Variants in PLEKHA3 observed in about 807,000 individuals in gnomAD.
PLEKHA3 encodes the protein pleckstrin homology domain containing A3, also known as pleckstrin homology domain-containing family A member 3.
Under a neutral mutation model 39.2 loss-of-function variants are expected in PLEKHA3, and 19 were observed. The observed-to-expected ratio is 0.48, with a 90% CI of 0.34 to 0.71. The LOEUF (loss-of-function observed/expected upper bound fraction) is 0.71, where lower values mean the gene tolerates loss of function less well. Ranked by LOEUF, PLEKHA3 falls within the 30% of genes least tolerant of loss-of-function variation. PLEKHA3 has a pLI of 0.01. For synonymous variants in PLEKHA3, 97 were observed against 118.6 expected (o/e 0.82, Z 1.18); for missense variants, 253 against 359.5 (o/e 0.70, Z 2.40).
chr2:178,485,843 T>C (rs1301771848), intron 2 of PLEKHA3, 86 bp downstream of exon 2: 1 of 951,940 alleles, frequency 1.1e-6, no homozygotes, highest in African/African-American at 1.6e-5. Flanking sequence ...AAAAAGCATT[T>C]CTAACCACGT....
Position 178,493,997 on chromosome 2 carries a change from G to T in PLEKHA3, c.450+8G>T, listed in dbSNP as rs200138699. On this transcript the variant is annotated splice_region_variant and intron_variant, in intron 4 of 7. Coordinates refer to ENST00000234453, the MANE Select transcript of PLEKHA3 (RefSeq NM_019091.4). ...TCATCTCCTAGTGCAGAGGTAGAGC[G>T]AAGAGGATCTCTTCACGTGTGGTTA... 6.2e-7 allele frequency: 1 copy of T among 1,612,656 alleles called. No individual in the cohort carries two copies. The highest frequency in any genetic ancestry group is 1.1e-5 in the South Asian group (1 of 90,636).
chr2:178,487,006 A>G (rs1685261037), intron 2 of PLEKHA3, among the ~76,000 whole-genome samples: 1 of 152,252 alleles, frequency 6.6e-6, no homozygotes, highest in South Asian at 2.1e-4. Context: ...CTATTGTGAT[A>G]GATTTAGGGA....
At position 178,480,792 on chromosome 2, in the gene PLEKHA3, C is replaced by A; in HGVS notation, c.-78C>A. On this transcript the variant is annotated 5_prime_UTR_variant, in exon 1 of 8. The change creates a new upstream start codon in the 5' untranslated region. Transcript: ENST00000234453. Reference sequence around the variant, plus strand: ...GGGGGCCCGGGCGGGCCGGGAGGGGCTGCCCCAGGCCCTGCGCCTACCCCA... The same window carrying A: ...GGGGGCCCGGGCGGGCCGGGAGGGGATGCCCCAGGCCCTGCGCCTACCCCA... 1 of 1,244,208 alleles carries A rather than the reference C, an allele frequency of 8.0e-7. No individual in the cohort carries two copies. Among genetic ancestry groups the A allele is most frequent in the Non-Finnish European group, 1.0e-6 (1 of 966,474 alleles). 77.1% of individuals were successfully genotyped at this position (1,244,208 alleles called of 1,614,324 possible).
At chr2:178,482,478 GCAGTGAGCTAGGAT>G (rs1251125034) in intron 1 of PLEKHA3, among the ~76,000 whole-genome samples, 1 of 150,772 alleles carries the variant, frequency 6.6e-6, no homozygotes, top group African/African-American at 2.4e-5. Flanking sequence ...AATGGAGGCT[GCAGTGAGCTAGGAT>G]CAGTGAGCTA....
chr2:178,499,197 TCCAAA>T lies in PLEKHA3; in HGVS notation c.616-13_616-9del. The T allele has an allele frequency of 4.4e-6, 7 of 1,603,734 alleles. No individual in the cohort carries two copies. The highest frequency in any genetic ancestry group is 1.7e-5 in the Admixed American group (1 of 58,462). On this transcript the variant is annotated splice_polypyrimidine_tract_variant and intron_variant, in intron 5 of 7. Transcript: ENST00000234453. ...GATTATGCTAATTTTTTTTTTTTTT[TCCAAA>T]ATTTCTAGATGAAGCGTTCTGTCAG...
rs1042548076 is a variant in PLEKHA3, at chr2:178,505,890, G to A, written c.*2003G>A. ...CTAAGTATGTCTTTTGTTATGACTT[G>A]GAGCCACTTTTTGTTGTTATTGTTA... On this transcript the variant is annotated 3_prime_UTR_variant, in exon 8 of 8. Coordinates refer to ENST00000234453, the MANE Select transcript of PLEKHA3 (RefSeq NM_019091.4). The A allele has an allele frequency of 1.3e-5, 2 of 151,952 alleles. No individual in the cohort carries two copies. The highest frequency in any genetic ancestry group is 2.9e-5 in the Non-Finnish European group (2 of 67,944). 9.4% of individuals were successfully genotyped at this position (151,952 alleles called of 1,614,324 possible).
intron 4 of PLEKHA3, among the ~76,000 whole-genome samples, chr2:178,495,055 C>G (rs1026275368): frequency 6.6e-6 from 1 of 152,002 alleles, no homozygotes; most frequent in Non-Finnish European, 1.5e-5. Context: ...CAAAATTGGG[C>G]TTTTTACTCT....
intron 5 of PLEKHA3, among the ~76,000 whole-genome samples, chr2:178,496,231 T>G (rs553250137): frequency 6.6e-6 from 1 of 152,338 alleles, no homozygotes; most frequent in Admixed American, 6.5e-5. Flanking sequence ...GTTAGTTTCT[T>G]ACTTCCTTAT....
chr2:178,506,150 C>G lies in PLEKHA3; in HGVS notation c.*2263C>G, dbSNP rs553214445. On this transcript the variant is annotated 3_prime_UTR_variant, in exon 8 of 8. Transcript: ENST00000234453. ...TTTTAGCTTGTCAAGTTGTTCTATA[C>G]TTTATAGAAAAATTATTGGTTATTA... is the stretch of plus-strand genomic sequence containing the variant. The G allele has an allele frequency of 1.5e-3, 229 of 152,142 alleles. No individual in the cohort carries two copies. Among genetic ancestry groups the G allele is most frequent in the African/African-American group, 5.4e-3 (225 of 41,522 alleles). The allele number at this position is 152,142 out of a possible 1,614,324, so 9.4% of individuals were successfully genotyped here.
intron 5 of PLEKHA3, among the ~76,000 whole-genome samples, chr2:178,497,295 A>G (rs987970143): frequency 2.0e-5 from 3 of 151,900 alleles, no homozygotes; most frequent in East Asian, 1.9e-4. Flanking sequence ...CAGTGGCGCA[A>G]TCTCAGCTCA....
chr2:178,500,753 T>C (rs897455664), intron 6 of PLEKHA3, among the ~76,000 whole-genome samples: 2 of 152,094 alleles, frequency 1.3e-5, no homozygotes, highest in African/African-American at 4.8e-5. Flanking sequence ...CTATGACTTC[T>C]AGTTTTCAAA....
chr2:178,485,541 C>T, intron 1 of PLEKHA3, 100 bp from the exon 2 acceptor site: 1 of 745,790 alleles, frequency 1.3e-6, no homozygotes, highest in South Asian at 1.7e-5. Flanking sequence ...TATTTGAGAG[C>T]CAAGAAATAA....
In PLEKHA3 at chr2:178,507,658, G is replaced by GTTTTTTGTTTTTTTT. The variant is rs1685624147; in HGVS notation, c.*3777_*3778insGTTTTTTTTTTTTTT. On this transcript the variant is annotated 3_prime_UTR_variant, in exon 8 of 8. Coordinates refer to ENST00000234453, the MANE Select transcript of PLEKHA3 (RefSeq NM_019091.4). ...CCTTTAGTTTTTAGTCTCACATTAG[G>GTTTTTTGTTTTTTTT]TTTTTTTTTTTTTTTTTTTTTTTTT... The GTTTTTTGTTTTTTTT allele has an allele frequency of 3.5e-5, 1 of 28,818 alleles. No homozygotes were observed. Among genetic ancestry groups the GTTTTTTGTTTTTTTT allele is most frequent in the East Asian group, 7.7e-4 (1 of 1,298 alleles). The allele number at this position is 28,818 out of a possible 1,614,324, so 1.8% of individuals were successfully genotyped here.
rs1251630285 is a variant in PLEKHA3 at position 178,515,712 on chromosome 2, A to G, written c.*11825A>G. ...TTTGCTTTCTAATTATTTTTTTGTA[A>G]TTTTTTTGCTTTCTAATTCTTGAGT... is the stretch of plus-strand genomic sequence containing the variant. On this transcript the variant is annotated 3_prime_UTR_variant, in exon 8 of 8. Coordinates refer to ENST00000234453, the MANE Select transcript of PLEKHA3 (RefSeq NM_019091.4). The G allele has an allele frequency of 6.6e-6, 1 of 151,574 alleles. No homozygotes were observed. Among genetic ancestry groups the G allele is most frequent in the Non-Finnish European group, 1.5e-5 (1 of 67,834 alleles). The allele number at this position is 151,574 out of a possible 1,614,324, so 9.4% of individuals were successfully genotyped here.
At position 178,510,301 on chromosome 2, in the gene PLEKHA3, C is replaced by T. The variant is rs759572124; in HGVS notation, c.*6414C>T. 1 of 153,652 alleles carries T rather than the reference C, an allele frequency of 6.5e-6. No individual in the cohort carries two copies. The highest frequency in any genetic ancestry group is 1.5e-5 in the Non-Finnish European group (1 of 68,028). The allele number at this position is 153,652 out of a possible 1,614,324, so 9.5% of individuals were successfully genotyped here. A position where few individuals can be genotyped will look rare whatever the true frequency, so the allele number is the denominator to read the frequency against. On this transcript the variant is annotated 3_prime_UTR_variant, in exon 8 of 8. Coordinates refer to ENST00000234453, the MANE Select transcript of PLEKHA3 (RefSeq NM_019091.4). ...TTTAAAAGTTTTAAAAAGAGTATAA[C>T]AATTTTGATGTGCTTTTAAGCTTTA...
Position 178,511,177 on chromosome 2 carries a change from G to A in PLEKHA3, c.*7290G>A, listed in dbSNP as rs778767033. On this transcript the variant is annotated 3_prime_UTR_variant, in exon 8 of 8. Coordinates refer to ENST00000234453, the MANE Select transcript of PLEKHA3 (RefSeq NM_019091.4). ...GAGATTTTTATTTGTAAGGACATTT[G>A]TATTATCTTTCATTAAAGTAGAGTC... The A allele has an allele frequency of 5.3e-5, 8 of 152,142 alleles. No homozygotes were observed. Among genetic ancestry groups the A allele is most frequent in the Admixed American group, 2.0e-4 (3 of 15,282 alleles). The allele number at this position is 152,142 out of a possible 1,614,324, so 9.4% of individuals were successfully genotyped here.
Position 178,496,247 on chromosome 2 carries a change from A to G in PLEKHA3, c.615+587A>G, listed in dbSNP as rs1685444843. ...TTAGTTTCTTACTTCCTTATTGCTC[A>G]GAACAAGTCCTCTTTTTGCCAGGGG... On this transcript the variant is annotated intron_variant, in intron 5 of 7. Transcript: ENST00000234453. Among the ~76,000 whole-genome samples, 3 of 152,194 alleles carry G rather than the reference A, an allele frequency of 2.0e-5. No individual in the cohort carries two copies. The South Asian group carries it at 6.2e-4, about 32-fold the overall frequency.
At chr2:178,498,048 C>CT (rs1383769693) in intron 5 of PLEKHA3, among the ~76,000 whole-genome samples, 2 of 151,828 alleles carry the variant, frequency 1.3e-5, no homozygotes, top group African/African-American at 4.8e-5. Flanking sequence ...TTAATCTGAT[C>CT]TTTGTAAGTG....
rs1207679289 is a variant in PLEKHA3, at chr2:178,508,003, G to C, written c.*4116G>C. On this transcript the variant is annotated 3_prime_UTR_variant, in exon 8 of 8. Coordinates refer to ENST00000234453, the MANE Select transcript of PLEKHA3 (RefSeq NM_019091.4). ...TATTCATTCATCTTGATGGCTACTT[G>C]ACTTGGTGGAATCTTTCAATTTAGA... 6.6e-6 allele frequency: 1 copy of C among 152,474 alleles called. No homozygotes were observed. Among genetic ancestry groups the C allele is most frequent in the Non-Finnish European group, 1.5e-5 (1 of 67,886 alleles). The allele number at this position is 152,474 out of a possible 1,614,324, so 9.4% of individuals were successfully genotyped here.
Sources: gnomAD v4.1 joint callset for allele counts (sites outside exome capture counted in the v4.1 genomes callset) on GRCh38, gnomAD v4.1.1 for gene constraint, MANE v1.5 for transcripts, NCBI Gene and HGNC (gene_info 2026-07-23, HGNC 2026-07-21) for gene names.